Variants in MANEAL observed in about 807,000 individuals in gnomAD.
MANEAL encodes the protein glycoprotein endo-alpha-1,2-mannosidase-like protein.
A neutral mutation model predicts 35.9 loss-of-function variants in MANEAL; 28 were observed. That is an observed-to-expected ratio of 0.78 (90% CI 0.58 to 1.07). The LOEUF is 1.07. Ranked by LOEUF, MANEAL falls within the 50% of genes least tolerant of loss-of-function variation. The pLI, the probability that MANEAL is intolerant of heterozygous loss-of-function variation, is 0.00. For missense variants in MANEAL, 576 were observed against 629.6 expected, an observed-to-expected ratio of 0.91 and a Z score of 0.91; for synonymous variants, 286 against 272.2, an observed-to-expected ratio of 1.05 and a Z score of -0.50.
In MANEAL at chr1:37,794,586, C is replaced by G; in HGVS notation, c.404C>G (p.Pro135Arg). The stretch of plus-strand genomic sequence containing the variant: ...CACGTCATGGTGCCGCACTGGGACC[C>G]CAAGATCTCGGCCAGCTACCCCCGC... ...WDHVMVPHWD[P>R]KISASYPRGR... Residue 135 changes from proline to arginine, a missense_variant, in exon 1 of 4, where the codon CCC becomes CGC. Pro to Arg is a moderately radical substitution (Grantham distance 103). Transcript: ENST00000373045. This position sits in a 1 kb window ranked among gnomAD's most constrained non-coding sequence, Gnocchi z 5.7. 1 of 1,611,810 alleles carries G rather than the reference C, an allele frequency of 6.2e-7. No homozygotes were observed. The highest frequency in any genetic ancestry group is 8.5e-7 in the Non-Finnish European group (1 of 1,179,636).
At position 37,794,421 on chromosome 1, in the gene MANEAL, C is replaced by G; in HGVS notation, c.239C>G (p.Pro80Arg). Residue 80 changes from proline (P) to arginine (R), a missense_variant, in exon 1 of 4, where the codon CCT (proline) becomes CGT (arginine). Physicochemically the swap from Pro to Arg is moderately radical, Grantham distance 103. Transcript: ENST00000373045. The surrounding 1 kb of genome is among the most constrained non-coding windows in gnomAD (Gnocchi z 5.7). Reference protein sequence around the residue: ...PPPPPPRTADPGGSPGPAPAE... With the variant: ...PPPPPPRTADRGGSPGPAPAE... ...CCGCCGCCGCCCCGCACCGCGGACC[C>G]TGGCGGCTCCCCTGGGCCGGCACCC... 1.4e-6 allele frequency: 2 copies of G among 1,381,102 alleles called. No homozygotes were observed. The highest frequency in any genetic ancestry group is 1.6e-5 in the South Asian group (1 of 61,692). 85.6% of individuals were successfully genotyped at this position (1,381,102 alleles called of 1,614,324 possible).
chr1:37,796,470 C>T (rs1160357230), intron 2 of MANEAL, among the ~76,000 whole-genome samples: 2 of 152,210 alleles, frequency 1.3e-5, no homozygotes, highest in African/African-American at 4.8e-5. Context: ...TAGCACCAAC[C>T]ACTTGGAGCT....
At chr1:37,797,961 G>T (rs1646658965) in intron 3 of MANEAL, among the ~76,000 whole-genome samples, 1 of 151,618 alleles carries the variant, frequency 6.6e-6, no homozygotes, top group Non-Finnish European at 1.5e-5. Flanking sequence ...ATCAGCCTGG[G>T]CAACATAGCA....
At position 37,799,980 on chromosome 1, in the gene MANEAL, ATGAGACGGCCC is replaced by A. The variant is rs1191140361; in HGVS notation, c.1154_1164del (p.Glu385AlafsTer18). 1.2e-6 allele frequency: 2 copies of A among 1,614,210 alleles called. No individual in the cohort carries two copies. The highest frequency in any genetic ancestry group is 8.5e-7 in the Non-Finnish European group (1 of 1,180,034). On this transcript the variant is annotated frameshift_variant, in exon 4 of 4. Transcript: ENST00000373045. LOFTEE classifies it high-confidence loss of function. This position sits in a 1 kb window ranked among gnomAD's most constrained non-coding sequence, Gnocchi z 4.1. ...CGCAACAGGGTCAATGGCAAGTACT[ATGAGACGGCCC>A]TGCAGGCGGCCCTGACAGTGAGGCC...
intron 2 of MANEAL, 103 bp downstream of exon 2, chr1:37,795,949 C>T: frequency 1.1e-6 from 1 of 949,000 alleles, no homozygotes; most frequent in Non-Finnish European, 1.6e-6. Flanking sequence ...TGGCAGTAGC[C>T]CAAAGGGATA....
At position 37,794,600 on chromosome 1, in the gene MANEAL, A is replaced by C. The variant is rs778392391; in HGVS notation, c.418A>C (p.Ser140Arg). The C allele has an allele frequency of 6.2e-7, 1 of 1,611,456 alleles. No individual in the cohort carries two copies. The change falls in exon 1 of 4, where the codon AGC (serine) becomes CGC (arginine). Residue 140 changes from serine to arginine, a missense_variant. Physicochemically the swap from Ser to Arg is moderately radical, Grantham distance 110. Coordinates refer to ENST00000373045, the MANE Select transcript of MANEAL (RefSeq NM_001113482.2). This position sits in a 1 kb window ranked among gnomAD's most constrained non-coding sequence, Gnocchi z 5.7. ...GCACTGGGACCCCAAGATCTCGGCCAGCTACCCCCGCGGCCGCCACAGCCC... is the reference window on the plus strand; with the variant it reads ...GCACTGGGACCCCAAGATCTCGGCCCGCTACCCCCGCGGCCGCCACAGCCC... ...VPHWDPKISASYPRGRHSPPD... is the reference protein window; with the variant it reads ...VPHWDPKISARYPRGRHSPPD...
rs1452847966 is a variant in MANEAL at position 37,800,387 on chromosome 1, G to C, written c.*184G>C. ...ACAGAGCCCGTTCCTCAGGCGAGTG[G>C]TGCTGAGGTGCTCTGTGGTGATGGG... is the stretch of plus-strand genomic sequence containing the variant. On this transcript the variant is annotated 3_prime_UTR_variant, in exon 4 of 4. Transcript: ENST00000373045. 1 of 683,882 alleles carries C rather than the reference G, an allele frequency of 1.5e-6. No homozygotes were observed. The highest frequency in any genetic ancestry group is 2.7e-5 in the East Asian group (1 of 36,668). The allele number at this position is 683,882 out of a possible 1,614,324, so 42.4% of individuals were successfully genotyped here.
At position 37,799,980 on chromosome 1, in the gene MANEAL, A is replaced by G; in HGVS notation, c.1151A>G (p.Tyr384Cys). The G allele has an allele frequency of 6.2e-7, 1 of 1,614,210 alleles. No individual in the cohort carries two copies. Among genetic ancestry groups the G allele is most frequent in the Non-Finnish European group, 8.5e-7 (1 of 1,180,034 alleles). Residue 384 changes from tyrosine (Y) to cysteine (C), a missense_variant, in exon 4 of 4, where the codon TAT becomes TGT. By Grantham distance (194) the Tyr-to-Cys change is radical. Around this residue, in one of 3 missense-constraint regions of MANEAL, gnomAD observed 449 missense variants for 516.1 expected, o/e 0.87. Coordinates refer to ENST00000373045, the MANE Select transcript of MANEAL (RefSeq NM_001113482.2). This position sits in a 1 kb window ranked among gnomAD's most constrained non-coding sequence, Gnocchi z 4.1. ...CGCAACAGGGTCAATGGCAAGTACT[A>G]TGAGACGGCCCTGCAGGCGGCCCTG... ...NTRNRVNGKYYETALQAALTV... is the reference protein window; with the variant it reads ...NTRNRVNGKYCETALQAALTV...
intron 3 of MANEAL, among the ~76,000 whole-genome samples, chr1:37,798,748 G>GA (rs1210985991): frequency 6.7e-6 from 1 of 148,286 alleles, no homozygotes; most frequent in Non-Finnish European, 1.5e-5. Flanking sequence ...AAAGAAAAAA[G>GA]AAAAAAAAGC....
chr1:37,799,547 CTCT>C lies in MANEAL; in HGVS notation c.738-15_738-13del, dbSNP rs1408337520. On this transcript the variant is annotated splice_polypyrimidine_tract_variant and intron_variant, in intron 3 of 3. Coordinates refer to ENST00000373045, the MANE Select transcript of MANEAL (RefSeq NM_001113482.2). This position sits in a 1 kb window ranked among gnomAD's most constrained non-coding sequence, Gnocchi z 4.1. ...GCTGGTCTCTCCCATCCAGCTGAGG[CTCT>C]TCTTTCTCCTTCTCAGGTATGGCTC... 6.2e-7 allele frequency: 1 copy of C among 1,605,116 alleles called. No individual in the cohort carries two copies. The highest frequency in any genetic ancestry group is 8.5e-7 in the Non-Finnish European group (1 of 1,175,128).
chr1:37,794,808 G>A lies in MANEAL; in HGVS notation c.550+76G>A. The stretch of plus-strand genomic sequence containing the variant: ...CCTTCCCACACCCCAGCTCCCTCTG[G>A]TCCTGTCACCGGCCCTTTGGTCCCA... On this transcript the variant is annotated intron_variant, in intron 1 of 3. Transcript: ENST00000373045. This position sits in a 1 kb window ranked among gnomAD's most constrained non-coding sequence, Gnocchi z 5.7. The A allele has an allele frequency of 1.0e-6, 1 of 984,596 alleles. No homozygotes were observed. Among genetic ancestry groups the A allele is most frequent in the Non-Finnish European group, 1.5e-6 (1 of 664,590 alleles). The allele number at this position is 984,596 out of a possible 1,614,324, so 61.0% of individuals were successfully genotyped here.
Position 37,800,239 on chromosome 1 carries a change from T to G in MANEAL, c.*36T>G, listed in dbSNP as rs1207109740. ...AATGGGCGTGAGGTGCTGATGTCCT[T>G]GCCTTGCTGGAAGATGTCACCATGT... On this transcript the variant is annotated 3_prime_UTR_variant, in exon 4 of 4. Coordinates refer to ENST00000373045, the MANE Select transcript of MANEAL (RefSeq NM_001113482.2). 3 of 1,597,204 alleles carry G rather than the reference T, an allele frequency of 1.9e-6. No homozygotes were observed. In the East Asian group the frequency reaches 6.7e-5, roughly 36 times the overall value.
In MANEAL at chr1:37,800,108, T is replaced by C. The variant is rs1006256381; in HGVS notation, c.1279T>C (p.Leu427=). ...IPKKTPTRLY[L]DYLPHQPSLY... ...CAAGAAGACACCCACCCGCCTGTAT[T>C]TGGACTACCTGCCTCACCAGCCCAG... The change falls in exon 4 of 4, where the codon TTG becomes CTG. Residue 427 remains leucine (L), a synonymous_variant. Coordinates refer to ENST00000373045, the MANE Select transcript of MANEAL (RefSeq NM_001113482.2). 2.6e-5 allele frequency: 42 copies of C among 1,613,872 alleles called. No homozygotes were observed. Among genetic ancestry groups the C allele is most frequent in the Non-Finnish European group, 3.6e-5 (42 of 1,180,048 alleles).
chr1:37,796,833 T>TG lies in MANEAL; in HGVS notation c.737+18dup, dbSNP rs752513425. 1.0e-5 allele frequency: 16 copies of TG among 1,604,286 alleles called. No homozygotes were observed. The Admixed American group carries it at 2.4e-4, about 24-fold the overall frequency. ...ACATCATTGACACGTAAGGCTGCTC[T>TG]GGGGGCCGGGATTTTGGTGGGGATC... On this transcript the variant is annotated intron_variant, in intron 3 of 3. Transcript: ENST00000373045.
rs1646646965 is a variant in MANEAL, at chr1:37,796,596, C to T, written c.661-148C>T. 4 of 705,764 alleles carry T rather than the reference C, an allele frequency of 5.7e-6. No individual in the cohort carries two copies. In the South Asian group the frequency reaches 7.7e-5, roughly 14 times the overall value. The allele number at this position is 705,764 out of a possible 1,614,324, so 43.7% of individuals were successfully genotyped here. On this transcript the variant is annotated intron_variant, in intron 2 of 3. Coordinates refer to ENST00000373045, the MANE Select transcript of MANEAL (RefSeq NM_001113482.2). ...CCCCTGTTTTGGCCTTCAAGGGCAG[C>T]AGCTGCCTTTATCTCTACTGTGCCC...
At chr1:37,798,541 G>A (rs890837965) in intron 3 of MANEAL, among the ~76,000 whole-genome samples, 3 of 151,642 alleles carry the variant, frequency 2.0e-5, no homozygotes, top group African/African-American at 7.3e-5. Flanking sequence ...ACCAGCTTGG[G>A]CAACATGGGG....
chr1:37,799,634 A>G lies in MANEAL; in HGVS notation c.805A>G (p.Ile269Val). The change falls in exon 4 of 4, where the codon ATC (isoleucine) becomes GTC (valine). Residue 269 changes from isoleucine to valine, a missense_variant. Physicochemically the swap from Ile to Val is conservative, Grantham distance 29 (BLOSUM62 3). Coordinates refer to ENST00000373045, the MANE Select transcript of MANEAL (RefSeq NM_001113482.2). This position sits in a 1 kb window ranked among gnomAD's most constrained non-coding sequence, Gnocchi z 4.1. ...GGGCAAGAGCCTCCCACTCTTTTAT[A>G]TCTACGACTCATACCTGACGTCCCC... is the stretch of plus-strand genomic sequence containing the variant. The part of the protein sequence containing the change: ...SMGKSLPLFY[I>V]YDSYLTSPEA... 6.2e-7 allele frequency: 1 copy of G among 1,614,080 alleles called. No homozygotes were observed. The highest frequency in any genetic ancestry group is 1.3e-5 in the African/African-American group (1 of 75,010).
rs1433469001 is a variant in MANEAL, at chr1:37,794,793, C to T, written c.550+61C>T. On this transcript the variant is annotated intron_variant, in intron 1 of 3. Transcript: ENST00000373045. This position sits in a 1 kb window ranked among gnomAD's most constrained non-coding sequence, Gnocchi z 5.7. ...AGCCTCACCCTTCCTCCTTCCCACA[C>T]CCCAGCTCCCTCTGGTCCTGTCACC... 1.7e-5 allele frequency: 19 copies of T among 1,096,434 alleles called. 1 individual carries two copies. The East Asian group carries it at 4.5e-4, about 26-fold the overall frequency. 67.9% of individuals were successfully genotyped at this position (1,096,434 alleles called of 1,614,324 possible). A position where few individuals can be genotyped will look rare whatever the true frequency, so the allele number is the denominator to read the frequency against.
At chr1:37,797,464 C>CTTTTTTTTT in intron 3 of MANEAL, among the ~76,000 whole-genome samples, 1 of 116,996 alleles carries the variant, frequency 8.5e-6, no homozygotes. Context: ...AATGCCAGTG[C>CTTTTTTTTT]TTTTTTTTTT....
Sources: gnomAD v4.1 joint callset for allele counts (sites outside exome capture counted in the v4.1 genomes callset) on GRCh38, gnomAD v4.1.1 for gene constraint, gnomAD v4.1.1 regional missense constraint, Gnocchi (gnomAD v3.1) non-coding constraint, MANE v1.5 for transcripts, NCBI Gene and HGNC (gene_info 2026-07-23, HGNC 2026-07-21) for gene names.